The following SPOPL variants were observed in gnomAD, a reference collection of about 807,000 sequenced individuals.
SPOPL encodes speckle-type POZ protein-like.
A neutral mutation model predicts 53.8 loss-of-function variants in SPOPL; 23 were observed. The ratio of observed to expected loss-of-function variants is 0.43; its 90% confidence interval spans 0.31 to 0.61. SPOPL has a LOEUF of 0.61. Among genes scored for constraint, SPOPL ranks in the 20% least tolerant of loss-of-function variants. SPOPL has a pLI of 0.12. For missense variants in SPOPL, 442 were observed against 466.9 expected (o/e 0.95, Z 0.49); for synonymous variants, 164 against 149.7 (o/e 1.10, Z -0.70).
chr2:138,505,928 G>T (rs1684207155), intron 1 of SPOPL, among the ~76,000 whole-genome samples: 1 of 152,108 alleles, frequency 6.6e-6, no homozygotes, highest in South Asian at 2.1e-4. Context: ...AGTGATGTTG[G>T]CAATTTCAAC....
At chr2:138,566,601 A>G (rs962298041) in intron 10 of SPOPL, among the ~76,000 whole-genome samples, 3 of 152,206 alleles carry the variant, frequency 2.0e-5, no homozygotes, top group Admixed American at 2.0e-4. Context: ...AAAAACCACA[A>G]TTACTTTTGC....
intron 1 of SPOPL, among the ~76,000 whole-genome samples, chr2:138,542,569 T>A (rs1221260601): frequency 6.6e-6 from 1 of 152,206 alleles, no homozygotes; most frequent in Non-Finnish European, 1.5e-5. Flanking sequence ...CCTGCCTTTT[T>A]TTGTTTTCCA....
intron 5 of SPOPL, among the ~76,000 whole-genome samples, chr2:138,558,498 A>C (rs575976367): frequency 6.6e-6 from 1 of 152,278 alleles, no homozygotes; most frequent in East Asian, 1.9e-4. Flanking sequence ...TTTTACTAGA[A>C]GTGAAACATT....
At chr2:138,553,022 A>T (rs923235414) in intron 5 of SPOPL, among the ~76,000 whole-genome samples, 3 of 152,066 alleles carry the variant, frequency 2.0e-5, no homozygotes, top group African/African-American at 4.8e-5. Flanking sequence ...GTCAATTTTT[A>T]AAAAATTTTC....
At chr2:138,514,093 C>T (rs1684387314) in intron 1 of SPOPL, among the ~76,000 whole-genome samples, 1 of 152,070 alleles carries the variant, frequency 6.6e-6, no homozygotes, top group Non-Finnish European at 1.5e-5. Context: ...GATCCATAAA[C>T]CCCGAATATC....
chr2:138,527,647 T>C (rs1024491333), intron 1 of SPOPL, among the ~76,000 whole-genome samples: 7 of 152,250 alleles, frequency 4.6e-5, no homozygotes, highest in Non-Finnish European at 4.4e-5. Flanking sequence ...TCCATTTCTA[T>C]GAGAGTTCTT....
chr2:138,538,403 TG>T (rs1684984547), intron 1 of SPOPL, among the ~76,000 whole-genome samples: 1 of 152,230 alleles, frequency 6.6e-6, no homozygotes, highest in Admixed American at 6.5e-5. Context: ...TATATATGTT[TG>T]TACTTGTCAT....
chr2:138,502,991 G>C (rs1178026138), intron 1 of SPOPL, among the ~76,000 whole-genome samples: 1 of 152,020 alleles, frequency 6.6e-6, no homozygotes, highest in African/African-American at 2.4e-5. Flanking sequence ...GTCTATTTTT[G>C]AATAATCTTG....
intron 7 of SPOPL, among the ~76,000 whole-genome samples, chr2:138,560,449 T>G (rs990519688): frequency 6.7e-6 from 1 of 149,492 alleles, no homozygotes; most frequent in African/African-American, 2.4e-5. Context: ...TTTGTTTACT[T>G]GTTTTTTTTT....
chr2:138,514,947 T>C (rs1296945025), intron 1 of SPOPL, among the ~76,000 whole-genome samples: 1 of 152,170 alleles, frequency 6.6e-6, no homozygotes, highest in East Asian at 1.9e-4. Context: ...TTTCTCAAAA[T>C]AAACATGATT....
At chr2:138,523,343 T>G (rs1283374369) in intron 1 of SPOPL, among the ~76,000 whole-genome samples, 2 of 152,030 alleles carry the variant, frequency 1.3e-5, no homozygotes, top group Non-Finnish European at 2.9e-5. Flanking sequence ...TCCCACCAGG[T>G]CCCTGCCACA....
At chr2:138,543,516 G>T (rs1173706993) in intron 1 of SPOPL, among the ~76,000 whole-genome samples, 3 of 152,098 alleles carry the variant, frequency 2.0e-5, no homozygotes, top group African/African-American at 4.8e-5. Context: ...CTTTCTTTCA[G>T]TTGGTCGCAT....
chr2:138,571,432 A>C lies in SPOPL; in HGVS notation c.*2352A>C, dbSNP rs1055174159. On this transcript the variant is annotated 3_prime_UTR_variant, in exon 11 of 11. Transcript: ENST00000280098. ...TTTGGTAGCACATTTTGTACCAAAA[A>C]TGTCAAACACTGTGCTGTAAGAATA... 1 of 152,594 alleles carries C rather than the reference A, an allele frequency of 6.6e-6. No individual in the cohort carries two copies. The highest frequency in any genetic ancestry group is 2.4e-5 in the African/African-American group (1 of 41,450). The allele number at this position is 152,594 out of a possible 1,614,324, so 9.5% of individuals were successfully genotyped here. A position where few individuals can be genotyped will look rare whatever the true frequency, so the allele number is the denominator to read the frequency against.
In SPOPL at chr2:138,569,039, C is replaced by T; in HGVS notation, c.1138C>T (p.Pro380Ser). 1 of 1,613,916 alleles carries T rather than the reference C, an allele frequency of 6.2e-7. No homozygotes were observed. Among genetic ancestry groups the T allele is most frequent in the Non-Finnish European group, 8.5e-7 (1 of 1,179,918 alleles). ...TCGAGCACTAGCATCTGCACAGTGT[C>T]CACAGTTTGGCATTCCACGCAAACG... ...AFRALASAQCPQFGIPRKRLK... is the reference protein window; with the variant it reads ...AFRALASAQCSQFGIPRKRLK... Residue 380 changes from proline (P) to serine (S), a missense_variant, in exon 11 of 11, where the codon CCA (proline) becomes TCA (serine). Coordinates refer to ENST00000280098, the MANE Select transcript of SPOPL (RefSeq NM_001001664.3).
chr2:138,550,063 T>C (rs1472851728), intron 1 of SPOPL, 94 bp from the exon 2 acceptor site: 3 of 574,098 alleles, frequency 5.2e-6, no homozygotes, highest in Non-Finnish European at 9.2e-6. Context: ...TAGTTTGGGA[T>C]AGTAATTGTT....
At chr2:138,560,607 A>G (rs1354248102) in intron 7 of SPOPL, among the ~76,000 whole-genome samples, 198 bp from the exon 8 acceptor site, 1 of 151,844 alleles carries the variant, frequency 6.6e-6, no homozygotes, top group Non-Finnish European at 1.5e-5. Flanking sequence ...TGTCCACTTC[A>G]CTTTGCCGAA....
At chr2:138,527,982 C>T (rs929978321) in intron 1 of SPOPL, among the ~76,000 whole-genome samples, 1 of 152,170 alleles carries the variant, frequency 6.6e-6, no homozygotes, top group African/African-American at 2.4e-5. Flanking sequence ...GGAGAGTGCT[C>T]TATTTGATTT....
chr2:138,548,370 A>T (rs566331850), intron 1 of SPOPL, among the ~76,000 whole-genome samples: 2 of 151,666 alleles, frequency 1.3e-5, no homozygotes, highest in Non-Finnish European at 2.9e-5. Flanking sequence ...TTTCATGGAC[A>T]TCAAATAACA....
At chr2:138,562,653 G>A (rs1685574451) in intron 8 of SPOPL, among the ~76,000 whole-genome samples, 2 of 151,886 alleles carry the variant, frequency 1.3e-5, no homozygotes. Context: ...GTATGGTGGT[G>A]TGTGCCTGTA....
Sources: gnomAD v4.1 joint callset for allele counts (sites outside exome capture counted in the v4.1 genomes callset) on GRCh38, gnomAD v4.1.1 for gene constraint, MANE v1.5 for transcripts, NCBI Gene and HGNC (gene_info 2026-07-23, HGNC 2026-07-21) for gene names.